The following CAPZA2 variants were observed in gnomAD, a reference collection of about 807,000 sequenced individuals.
CAPZA2 encodes the protein capping actin protein of muscle Z-line subunit alpha 2.
CAPZA2 carries 13 observed loss-of-function variants against 44.0 expected under a neutral mutation model. The observed-to-expected ratio is 0.30, with a 90% confidence interval of 0.19 to 0.47. CAPZA2 has a LOEUF of 0.47. Among genes scored for constraint, CAPZA2 ranks in the 20% least tolerant of loss-of-function variants. The probability of loss-of-function intolerance (pLI) is 1.00; values close to 1 mark genes in which losing one functional copy is unlikely to be tolerated. For missense variants in CAPZA2, 244 were observed against 338.6 expected, an observed-to-expected ratio of 0.72 and a Z score of 2.19; for synonymous variants, 94 against 108.2, an observed-to-expected ratio of 0.87 and a Z score of 0.81.
At chr7:116,896,978 C>T (rs1469233646) in intron 3 of CAPZA2, among the ~76,000 whole-genome samples, 1 of 152,130 alleles carries the variant, frequency 6.6e-6, no homozygotes, top group Non-Finnish European at 1.5e-5. Flanking sequence ...TTCCACTGTA[C>T]TGTGTAATTG....
intron 1 of CAPZA2, among the ~76,000 whole-genome samples, chr7:116,872,691 G>A (rs1796568036): frequency 6.6e-6 from 1 of 152,198 alleles, no homozygotes; most frequent in Non-Finnish European, 1.5e-5. Context: ...TTTTTAGAGA[G>A]CTGTGGAAGA....
chr7:116,910,977 C>G (rs1168515342), intron 7 of CAPZA2, among the ~76,000 whole-genome samples: 2 of 86,536 alleles, frequency 2.3e-5, no homozygotes, highest in African/African-American at 9.6e-5. Flanking sequence ...GGCGACAGAA[C>G]AAGACTCCGT....
intron 1 of CAPZA2, among the ~76,000 whole-genome samples, chr7:116,877,513 T>A (rs1796637668): frequency 6.6e-6 from 1 of 152,196 alleles, no homozygotes; most frequent in Non-Finnish European, 1.5e-5. Flanking sequence ...TTGTAGGAGC[T>A]AGAAAGTGGC....
At chr7:116,917,438 TG>T (rs1791695390) in intron 9 of CAPZA2, among the ~76,000 whole-genome samples, 1 of 152,106 alleles carries the variant, frequency 6.6e-6, no homozygotes. Flanking sequence ...TTTGTATTTT[TG>T]GTAGAGACAG....
intron 1 of CAPZA2, among the ~76,000 whole-genome samples, chr7:116,867,393 A>G (rs527355942): frequency 6.6e-6 from 1 of 152,032 alleles, no homozygotes; most frequent in East Asian, 1.9e-4. Flanking sequence ...TCATTTCTCT[A>G]CTCTCAAAAT....
Position 116,916,061 on chromosome 7 carries a change from A to G in CAPZA2, c.659A>G (p.Asn220Ser). The G allele has an allele frequency of 6.6e-7, 1 of 1,512,382 alleles. No homozygotes were observed. Among genetic ancestry groups the G allele is most frequent in the Non-Finnish European group, 8.8e-7 (1 of 1,133,580 alleles). The allele number at this position is 1,512,382 out of a possible 1,614,324, so 93.7% of individuals were successfully genotyped here. A position where few individuals can be genotyped will look rare whatever the true frequency, so the allele number is the denominator to read the frequency against. Residue 220 changes from asparagine (N) to serine (S), a missense_variant and splice_region_variant, in exon 9 of 10, where the codon AAT (asparagine) becomes AGT (serine). Physicochemically the swap from Asn to Ser is conservative, Grantham distance 46. Transcript: ENST00000361183. ...KDIQDSLTVS[N>S]EVQTAKEFIK... is the part of the protein sequence containing the mutation. ...TTATTTTGTTTTTTTTTTTTTCAGA[A>G]TGAAGTGCAAACAGCAAAAGAATTT...
chr7:116,862,794 G>C, intron 1 of CAPZA2, 144 bp downstream of exon 1: 1 of 888,846 alleles, frequency 1.1e-6, no homozygotes, highest in South Asian at 1.7e-5. Flanking sequence ...TCCTTACTGC[G>C]CCCAGTGCCT....
intron 1 of CAPZA2, among the ~76,000 whole-genome samples, chr7:116,879,823 C>T (rs573739306): frequency 1.1e-4 from 17 of 152,248 alleles, no homozygotes; most frequent in African/African-American, 3.4e-4. Flanking sequence ...TACTACATTC[C>T]CTCACCATTT....
In CAPZA2 at chr7:116,919,117, C is replaced by A. The variant is rs2115994932; in HGVS notation, c.*1250C>A. On this transcript the variant is annotated 3_prime_UTR_variant, in exon 10 of 10. Coordinates refer to ENST00000361183, the MANE Select transcript of CAPZA2 (RefSeq NM_006136.3). ...TATTGTTTTTTTTTTTAGAAAAACA[C>A]CACTTTTATTATGTACAATAAAATA... 6.6e-6 allele frequency: 1 copy of A among 150,896 alleles called. No homozygotes were observed. Among genetic ancestry groups the A allele is most frequent in the East Asian group, 1.9e-4 (1 of 5,144 alleles). 9.3% of individuals were successfully genotyped at this position (150,896 alleles called of 1,614,324 possible).
At chr7:116,892,433 C>G (rs1481620983) in intron 2 of CAPZA2, among the ~76,000 whole-genome samples, 2 of 152,016 alleles carry the variant, frequency 1.3e-5, no homozygotes, top group Non-Finnish European at 2.9e-5. Context: ...AATAAAAATG[C>G]TATTTTTGAA....
At chr7:116,866,590 A>G (rs1006298505) in intron 1 of CAPZA2, among the ~76,000 whole-genome samples, 5 of 152,226 alleles carry the variant, frequency 3.3e-5, no homozygotes, top group African/African-American at 1.2e-4. Context: ...GTATGAAATT[A>G]TGGTGTAAGG....
intron 1 of CAPZA2, among the ~76,000 whole-genome samples, chr7:116,864,613 A>G (rs1028864296): frequency 2.6e-5 from 4 of 152,184 alleles, no homozygotes; most frequent in African/African-American, 9.6e-5. Flanking sequence ...CGTTCTTGTC[A>G]CTTGAGATAT....
intron 9 of CAPZA2, 57 bp downstream of exon 9, chr7:116,916,179 A>C: frequency 1.4e-6 from 2 of 1,439,868 alleles, no homozygotes; most frequent in South Asian, 1.5e-5. Flanking sequence ...ATGTCACTGA[A>C]ATTTTAATTT....
chr7:116,904,406 G>T (rs1425298006), intron 5 of CAPZA2, 23 bp downstream of exon 5: 6 of 1,448,926 alleles, frequency 4.1e-6, no homozygotes, highest in Non-Finnish European at 4.9e-6. Context: ...TAGCAGCTTT[G>T]TGTGTGTGTT....
chr7:116,887,986 A>AT, intron 1 of CAPZA2, 141 bp from the exon 2 acceptor site: 1 of 607,768 alleles, frequency 1.6e-6, no homozygotes, highest in Non-Finnish European at 2.9e-6. Flanking sequence ...TCTTAAGGTG[A>AT]TTGAGTGAAA....
intron 1 of CAPZA2, among the ~76,000 whole-genome samples, chr7:116,864,890 T>A (rs1034934661): frequency 6.6e-6 from 1 of 152,104 alleles, no homozygotes; most frequent in Non-Finnish European, 1.5e-5. Flanking sequence ...AAATATTAAG[T>A]TTTGAATACT....
intron 5 of CAPZA2, chr7:116,904,590 G>T (rs1218617619): frequency 1.0e-5 from 5 of 487,850 alleles, no homozygotes; most frequent in Non-Finnish European, 1.8e-5. Context: ...AGAAATGGTT[G>T]TACCTTGATT....
chr7:116,915,629 C>G (rs1791669783), intron 8 of CAPZA2: 1 of 148,088 alleles, frequency 6.8e-6, no homozygotes, highest in Admixed American at 6.7e-5. Flanking sequence ...AAAATACATT[C>G]TTCCTGATTA....
intron 1 of CAPZA2, among the ~76,000 whole-genome samples, chr7:116,867,042 T>C (rs1483159377): frequency 6.6e-6 from 1 of 152,238 alleles, no homozygotes; most frequent in Non-Finnish European, 1.5e-5. Flanking sequence ...GCCCTGTACC[T>C]TACAATCAAC....
Sources: allele counts gnomAD v4.1 joint callset (sites outside exome capture counted in the v4.1 genomes callset), GRCh38; gene constraint gnomAD v4.1.1; transcripts MANE v1.5; gene names NCBI Gene and HGNC (gene_info 2026-07-23, HGNC 2026-07-21).